Variants in RAB38 observed in about 807,000 individuals in gnomAD.
RAB38 encodes the protein RAB38, member RAS oncogene family.
In RAB38, 15 loss-of-function variants were observed where a neutral mutation model predicts 18.4. The ratio of observed to expected loss-of-function variants is 0.82; its 90% CI spans 0.55 to 1.26. The LOEUF is 1.26. Ranked by LOEUF, RAB38 falls within the 50% of genes most tolerant of loss-of-function variation. The pLI is 0.00. For missense variants in RAB38, 294 were observed against 267.4 expected (o/e 1.10, Z -0.69); for synonymous variants, 101 against 104.4 (o/e 0.97, Z 0.20).
intron 2 of RAB38, among the ~76,000 whole-genome samples, chr11:88,138,784 T>TA (rs796781792): frequency 1.2e-3 from 136 of 113,314 alleles, no homozygotes; most frequent in African/African-American, 4.7e-3. Context: ...TATTCTTTTT[T>TA]TTTTATTATT....
chr11:87,951,089 CTATTCTTTT>C, the RAB38 span, among the ~76,000 whole-genome samples: 2 of 152,052 alleles, frequency 1.3e-5, no homozygotes, highest in Admixed American at 1.3e-4. Flanking sequence ...TTATTTCTTT[CTATTCTTTT>C]ATCTCTAAAC....
chr11:88,019,600 C>T, the RAB38 span, among the ~76,000 whole-genome samples: 5 of 152,136 alleles, frequency 3.3e-5, no homozygotes, highest in Non-Finnish European at 7.4e-5. Flanking sequence ...CTTAAAATGG[C>T]TCACAAGGAA....
At chr11:87,918,538 ACTT>A in the RAB38 span, among the ~76,000 whole-genome samples, 1 of 152,024 alleles carries the variant, frequency 6.6e-6, no homozygotes, top group Non-Finnish European at 1.5e-5. Flanking sequence ...CTTTGCCAAT[ACTT>A]CTTATCATTT....
At chr11:87,923,547 C>CTG in the RAB38 span, among the ~76,000 whole-genome samples, 5,591 of 146,828 alleles carry the variant, frequency 0.038, 89 homozygotes, top group African/African-American at 0.049. Context: ...TCAATTAATT[C>CTG]TGTGTGTGTG....
chr11:88,121,095 A>G (rs1942622432), intron 2 of RAB38, among the ~76,000 whole-genome samples: 1 of 152,222 alleles, frequency 6.6e-6, no homozygotes, highest in African/African-American at 2.4e-5. Context: ...TTCTGGAAAT[A>G]TCTCTACTGA....
At chr11:88,089,667 G>T in the RAB38 span, among the ~76,000 whole-genome samples, 1 of 151,840 alleles carries the variant, frequency 6.6e-6, no homozygotes, top group Non-Finnish European at 1.5e-5. Context: ...AAAAGTTAAA[G>T]AACATGATCA....
At chr11:88,118,992 C>T (rs1190898358) in intron 2 of RAB38, among the ~76,000 whole-genome samples, 3 of 152,130 alleles carry the variant, frequency 2.0e-5, no homozygotes, top group Non-Finnish European at 2.9e-5. Context: ...CTTAGCCAAT[C>T]TGTCATTTCA....
At chr11:87,811,613 C>T in the RAB38 span, among the ~76,000 whole-genome samples, 17 of 152,222 alleles carry the variant, frequency 1.1e-4, no homozygotes, top group African/African-American at 4.1e-4. Context: ...GGGGCTGCTG[C>T]TCTCAGTTGT....
the RAB38 span, among the ~76,000 whole-genome samples, chr11:87,839,105 C>A: frequency 6.6e-6 from 1 of 152,126 alleles, no homozygotes; most frequent in African/African-American, 2.4e-5. Context: ...TAGTCAGGAG[C>A]CTAGCGAAAG....
chr11:87,887,543 C>A, the RAB38 span, among the ~76,000 whole-genome samples: 5 of 151,884 alleles, frequency 3.3e-5, no homozygotes, highest in Non-Finnish European at 7.4e-5. Flanking sequence ...TGAATTAGGG[C>A]AAATTATTTA....
At chr11:88,045,125 C>T in the RAB38 span, among the ~76,000 whole-genome samples, 1 of 152,134 alleles carries the variant, frequency 6.6e-6, no homozygotes, top group Non-Finnish European at 1.5e-5. Flanking sequence ...TGGCAGCAAC[C>T]CTGAGATGCT....
At chr11:88,005,737 G>C in the RAB38 span, among the ~76,000 whole-genome samples, 1 of 151,256 alleles carries the variant, frequency 6.6e-6, no homozygotes, top group Non-Finnish European at 1.5e-5. Context: ...GGGGTCTTAC[G>C]TTTAATTCTT....
the RAB38 span, among the ~76,000 whole-genome samples, chr11:87,959,330 T>G: frequency 6.6e-6 from 1 of 152,180 alleles, no homozygotes; most frequent in Non-Finnish European, 1.5e-5. Context: ...ACTATTACCT[T>G]ATGTAATTTG....
At chr11:87,957,948 T>C in the RAB38 span, among the ~76,000 whole-genome samples, 1 of 152,078 alleles carries the variant, frequency 6.6e-6, no homozygotes, top group Middle Eastern at 3.4e-3. Context: ...TAGAATCACT[T>C]TCCAAATATC....
At chr11:87,904,484 A>G in the RAB38 span, among the ~76,000 whole-genome samples, 2 of 151,678 alleles carry the variant, frequency 1.3e-5, no homozygotes, top group Admixed American at 6.6e-5. Context: ...TCCTTATCCA[A>G]TACACCACTG....
the RAB38 span, among the ~76,000 whole-genome samples, chr11:87,952,686 T>C: frequency 1.3e-5 from 2 of 152,192 alleles, no homozygotes; most frequent in Admixed American, 1.3e-4. Flanking sequence ...CACTATGTCC[T>C]GAGGATTGTA....
intron 1 of RAB38, among the ~76,000 whole-genome samples, chr11:88,170,345 C>T (rs905903076): frequency 1.3e-5 from 2 of 152,148 alleles, no homozygotes; most frequent in African/African-American, 4.8e-5. Flanking sequence ...ACACACTCAT[C>T]GCCAAATTTA....
At chr11:87,954,985 C>T in the RAB38 span, among the ~76,000 whole-genome samples, 6 of 151,642 alleles carry the variant, frequency 4.0e-5, no homozygotes, top group Middle Eastern at 3.4e-3. Flanking sequence ...TACTAAGTAG[C>T]GGGTTGGAGT....
the RAB38 span, among the ~76,000 whole-genome samples, chr11:88,030,951 T>C: frequency 6.6e-6 from 1 of 151,226 alleles, no homozygotes. Context: ...ACCAATATCC[T>C]TGATGAACAT....
Sources: allele counts gnomAD v4.1 joint callset (sites outside exome capture counted in the v4.1 genomes callset), GRCh38; gene constraint gnomAD v4.1.1; transcripts MANE v1.5; gene names NCBI Gene and HGNC (gene_info 2026-07-23, HGNC 2026-07-21).